Variants in ZMYND11 observed in about 807,000 individuals in gnomAD.
The protein encoded by ZMYND11 is zinc finger MYND-type containing 11.
In ZMYND11, 9 loss-of-function variants were observed where a neutral mutation model predicts 84.9. The ratio of observed to expected loss-of-function variants is 0.11; its 90% CI spans 0.06 to 0.18. The LOEUF (loss-of-function observed/expected upper bound fraction) is 0.18. ZMYND11 is among the 10% of genes least tolerant of loss of function. ZMYND11 has a pLI of 1.00. For missense variants in ZMYND11, 409 were observed against 761.0 expected, an observed-to-expected ratio of 0.54 and a Z score of 5.44; for synonymous variants, 250 against 244.1, an observed-to-expected ratio of 1.02 and a Z score of -0.23.
chr10:211,664 C>T (rs746923402), intron 3 of ZMYND11, among the ~76,000 whole-genome samples: 2 of 152,314 alleles, frequency 1.3e-5, no homozygotes, highest in East Asian at 3.9e-4. Flanking sequence ...AGAACATTCA[C>T]ATTTTCCAGC....
Position 237,054 on chromosome 10 carries a change from A to G in ZMYND11, c.516+139A>G, listed in dbSNP as rs1950111435. ...TGTGGAGAGCACCCCGTCATGTCAT[A>G]TTTCTTTTTTGCAGTAAACAGTTCT... On this transcript the variant is annotated intron_variant, in intron 5 of 14. Transcript: ENST00000381604. The G allele has an allele frequency of 3.9e-6, 3 of 764,914 alleles. No homozygotes were observed. The South Asian group carries it at 7.0e-5, about 18-fold the overall frequency. 47.4% of individuals were successfully genotyped at this position (764,914 alleles called of 1,614,324 possible).
At chr10:197,896 A>G (rs1234859866) in intron 2 of ZMYND11, 2 of 570,048 alleles carry the variant, frequency 3.5e-6, no homozygotes, top group Non-Finnish European at 6.2e-6. Context: ...AACTTACAAT[A>G]TATTTCAATT....
At position 240,133 on chromosome 10, in the gene ZMYND11, TTA is replaced by T. The variant is rs778276031; in HGVS notation, c.753+25_753+26del. ...TGAGGTACTATTCATTGCCCAATAG[TTA>T]TACTCTTTCTATAACTGAAATTAAT... On this transcript the variant is annotated intron_variant, in intron 8 of 14. Coordinates refer to ENST00000381604, the MANE Select transcript of ZMYND11 (RefSeq NM_001370100.5). 65 of 1,550,140 alleles carry T rather than the reference TTA, an allele frequency of 4.2e-5. No individual in the cohort carries two copies. The African/African-American group carries it at 8.2e-4, about 20-fold the overall frequency.
At chr10:190,889 A>AAT (rs929468840) in intron 2 of ZMYND11, among the ~76,000 whole-genome samples, 3 of 151,878 alleles carry the variant, frequency 2.0e-5, no homozygotes, top group East Asian at 3.9e-4. Flanking sequence ...TTCCCTTAGT[A>AAT]ATATATATAT....
At chr10:175,269 C>G (rs925992119) in intron 1 of ZMYND11, among the ~76,000 whole-genome samples, 1 of 152,078 alleles carries the variant, frequency 6.6e-6, no homozygotes, top group East Asian at 1.9e-4. Context: ...TAAAATTGCT[C>G]TAAAAAATAA....
chr10:169,078 A>G (rs1002940416), intron 1 of ZMYND11, among the ~76,000 whole-genome samples: 34 of 152,234 alleles, frequency 2.2e-4, no homozygotes, highest in African/African-American at 7.7e-4. Context: ...AACAAAGCCT[A>G]CCCTCAGGAG....
intron 4 of ZMYND11, among the ~76,000 whole-genome samples, chr10:230,523 C>T (rs936909939): frequency 1.3e-5 from 2 of 149,498 alleles, no homozygotes; most frequent in Non-Finnish European, 1.5e-5. Flanking sequence ...AGGGTTCTAC[C>T]CCAGACAGGC....
rs548845789 is a variant in ZMYND11, at chr10:199,570, C to T, written c.117-10319C>T. ...TCAGCCTCCTCCTTGACTGGGACTA[C>T]AGGTGCATGCCACCGTGCTTGGCTA... On this transcript the variant is annotated intron_variant, in intron 2 of 14. Coordinates refer to ENST00000381604, the MANE Select transcript of ZMYND11 (RefSeq NM_001370100.5). 3.9e-5 allele frequency among the ~76,000 whole-genome samples: 6 copies of T among 151,914 alleles called. No individual in the cohort carries two copies. In the South Asian group the frequency reaches 1.3e-3, roughly 32 times the overall value.
chr10:238,878 T>C (rs1033332697), intron 6 of ZMYND11, among the ~76,000 whole-genome samples: 1 of 152,330 alleles, frequency 6.6e-6, no homozygotes, highest in South Asian at 2.1e-4. Flanking sequence ...CCTTTACTCA[T>C]GCAGGTTCCT....
intron 3 of ZMYND11, among the ~76,000 whole-genome samples, chr10:212,518 C>G (rs541688966): frequency 3.3e-5 from 5 of 150,984 alleles, no homozygotes; most frequent in African/African-American, 1.2e-4. Context: ...AGTAAGATCT[C>G]GTATGTCACA....
chr10:171,817 A>G (rs1845392354), intron 1 of ZMYND11, among the ~76,000 whole-genome samples: 1 of 152,216 alleles, frequency 6.6e-6, no homozygotes, highest in Non-Finnish European at 1.5e-5. Context: ...TAAGATCAGG[A>G]ACAAGGCAAG....
rs1845985885 is a variant in ZMYND11, at chr10:174,012, T to G, written c.-19-5982T>G. On this transcript the variant is annotated intron_variant, in intron 1 of 14. Coordinates refer to ENST00000381604, the MANE Select transcript of ZMYND11 (RefSeq NM_001370100.5). ...ACAGTTTGGCAGGTTGTTATACAACTGAACATTTTCTAACCGTACGAACCA... is the reference window on the plus strand; with the variant it reads ...ACAGTTTGGCAGGTTGTTATACAACGGAACATTTTCTAACCGTACGAACCA... Among the ~76,000 whole-genome samples the G allele has an allele frequency of 2.0e-5, 3 of 152,174 alleles. No homozygotes were observed. In the South Asian group the frequency reaches 6.2e-4, roughly 32 times the overall value.
At chr10:200,585 T>G (rs1034205573) in intron 2 of ZMYND11, among the ~76,000 whole-genome samples, 2 of 151,800 alleles carry the variant, frequency 1.3e-5, no homozygotes, top group Non-Finnish European at 2.9e-5. Context: ...CTGGAAGCAT[T>G]TTTCTATTAA....
intron 3 of ZMYND11, among the ~76,000 whole-genome samples, chr10:217,871 A>T (rs568890920): frequency 6.6e-6 from 1 of 152,222 alleles, no homozygotes; most frequent in Non-Finnish European, 1.5e-5. Flanking sequence ...ATTTGAATCA[A>T]TCGAGCTCCA....
intron 3 of ZMYND11, among the ~76,000 whole-genome samples, chr10:212,413 A>T (rs1209352400): frequency 6.6e-6 from 1 of 152,014 alleles, no homozygotes; most frequent in Non-Finnish European, 1.5e-5. Flanking sequence ...AAATGGCTGT[A>T]TAATATAAGC....
intron 2 of ZMYND11, among the ~76,000 whole-genome samples, chr10:181,517 G>T (rs1847880897): frequency 6.6e-6 from 1 of 152,200 alleles, no homozygotes; most frequent in Non-Finnish European, 1.5e-5. Context: ...CACTCAGGAG[G>T]CTGAGGTGGG....
chr10:230,920 C>T lies in ZMYND11; in HGVS notation c.439-5918C>T, dbSNP rs548671041. The stretch of plus-strand genomic sequence containing the variant: ...ACCGCTGAAATTGACATTATGGACC[C>T]TGCTTTCACAAAACTTACTCCCTCT... On this transcript the variant is annotated intron_variant, in intron 4 of 14. Coordinates refer to ENST00000381604, the MANE Select transcript of ZMYND11 (RefSeq NM_001370100.5). 4.5e-4 allele frequency among the ~76,000 whole-genome samples: 69 copies of T among 152,192 alleles called. 1 individual carries two copies. Among genetic ancestry groups the T allele is most frequent in the Non-Finnish European group, 5.3e-4 (36 of 68,028 alleles).
At chr10:183,880 C>G (rs1175145069) in intron 2 of ZMYND11, among the ~76,000 whole-genome samples, 1 of 152,088 alleles carries the variant, frequency 6.6e-6, no homozygotes, top group African/African-American at 2.4e-5. Context: ...CATATCCTGC[C>G]CCAGGCCTGG....
chr10:213,111 T>TGC (rs1253651385), intron 3 of ZMYND11, among the ~76,000 whole-genome samples: 3 of 152,116 alleles, frequency 2.0e-5, no homozygotes, highest in African/African-American at 7.2e-5. Flanking sequence ...GTATGGCCAG[T>TGC]GCGTGGAGGT....
Sources: allele counts gnomAD v4.1 joint callset (sites outside exome capture counted in the v4.1 genomes callset), GRCh38; gene constraint gnomAD v4.1.1; transcripts MANE v1.5; gene names NCBI Gene and HGNC (gene_info 2026-07-23, HGNC 2026-07-21).